The following TAFA1 variants were observed in gnomAD, a reference collection of about 807,000 sequenced individuals.
TAFA1 encodes TAFA chemokine like family member 1.
Under a neutral mutation model 18.5 loss-of-function variants are expected in TAFA1, and 4 were observed. The observed-to-expected ratio is 0.22, with a 90% CI of 0.11 to 0.49. The LOEUF is 0.49. Ranked by LOEUF, TAFA1 falls within the 20% of genes least tolerant of loss-of-function variation. The pLI, the probability that TAFA1 is intolerant of heterozygous loss-of-function variation, is 0.98. For synonymous variants in TAFA1, 56 were observed against 55.2 expected (o/e 1.01, Z -0.06); for missense variants, 147 against 169.0 (o/e 0.87, Z 0.72).
chr3:68,247,658 T>A (rs2067109806), intron 2 of TAFA1: 1 of 152,258 alleles, frequency 6.6e-6, no homozygotes, highest in African/African-American at 2.4e-5. Flanking sequence ...CTTTTGCAAG[T>A]TCCTTTTGGC....
At chr3:68,132,860 T>A (rs2065559965) in intron 2 of TAFA1, among the ~76,000 whole-genome samples, 1 of 86,610 alleles carries the variant, frequency 1.2e-5, no homozygotes, top group Non-Finnish European at 3.0e-5. Flanking sequence ...TATTTTGCTG[T>A]GCAAAGCTCT....
chr3:68,000,573 A>C (rs2106759465), upstream of TAFA1, among the ~76,000 whole-genome samples: 1 of 152,334 alleles, frequency 6.6e-6, no homozygotes, highest in East Asian at 1.9e-4. Context: ...CCATGGACAT[A>C]AGATTTGGAC....
chr3:68,440,521 T>C lies in TAFA1; in HGVS notation c.259+23101T>C, dbSNP rs557499573. ...ATATGACAATTACAGCCCTCGTTTC[T>C]GCAACTGGTCACGTGGTCATAGCTG... On this transcript the variant is annotated intron_variant, in intron 3 of 4. Transcript: ENST00000478136. Among the ~76,000 whole-genome samples the C allele has an allele frequency of 2.6e-5, 4 of 152,338 alleles. No homozygotes were observed. The South Asian group carries it at 8.3e-4, about 32-fold the overall frequency.
chr3:68,277,389 A>G (rs998872056), intron 2 of TAFA1, among the ~76,000 whole-genome samples: 1 of 152,088 alleles, frequency 6.6e-6, no homozygotes, highest in African/African-American at 2.4e-5. Context: ...CTGGCTTTCT[A>G]TTGTGCCACT....
chr3:68,543,612 T>A (rs1462586433), intron 4 of TAFA1, among the ~76,000 whole-genome samples: 1 of 152,106 alleles, frequency 6.6e-6, no homozygotes, highest in Non-Finnish European at 1.5e-5. Context: ...TTAAATGGAC[T>A]TCTACCTCTA....
At chr3:68,222,202 T>G (rs906068248) in intron 2 of TAFA1, among the ~76,000 whole-genome samples, 1 of 152,212 alleles carries the variant, frequency 6.6e-6, no homozygotes, top group Non-Finnish European at 1.5e-5. Flanking sequence ...TAAAAACAGT[T>G]GATGTAGTTT....
chr3:68,119,441 T>A (rs2065361821), intron 2 of TAFA1, among the ~76,000 whole-genome samples: 1 of 152,192 alleles, frequency 6.6e-6, no homozygotes, highest in African/African-American at 2.4e-5. Flanking sequence ...TGGTGTCATA[T>A]CCAAGAAATC....
rs572681645 is a variant in TAFA1 at position 68,171,177 on chromosome 3, A to G, written c.118+164433A>G. ...CAATGTAATCACAAAGGTTCTTTAAATGTGGAAGAGGGAGGTAAAAGAGTT... is the reference window on the plus strand; with the variant it reads ...CAATGTAATCACAAAGGTTCTTTAAGTGTGGAAGAGGGAGGTAAAAGAGTT... On this transcript the variant is annotated intron_variant, in intron 2 of 4. Coordinates refer to ENST00000478136, the MANE Select transcript of TAFA1 (RefSeq NM_213609.4). Among the ~76,000 whole-genome samples, 9 of 152,300 alleles carry G rather than the reference A, an allele frequency of 5.9e-5. No individual in the cohort carries two copies. The South Asian group carries it at 1.9e-3, about 32-fold the overall frequency.
chr3:68,200,126 G>A (rs2066454743), intron 2 of TAFA1, among the ~76,000 whole-genome samples: 1 of 151,556 alleles, frequency 6.6e-6, no homozygotes, highest in African/African-American at 2.4e-5. Flanking sequence ...TTGTGGATAT[G>A]ATGAATTATA....
intron 2 of TAFA1, among the ~76,000 whole-genome samples, chr3:68,223,978 C>T (rs926640049): frequency 6.7e-6 from 1 of 149,832 alleles, no homozygotes; most frequent in Non-Finnish European, 1.5e-5. Flanking sequence ...TTTTGTTTAT[C>T]TAGAATGCAG....
chr3:68,246,471 T>G (rs2067080015), intron 2 of TAFA1, among the ~76,000 whole-genome samples: 2 of 151,272 alleles, frequency 1.3e-5, no homozygotes, highest in South Asian at 4.2e-4. Flanking sequence ...GCGCCTGTAG[T>G]CCCAGCTACT....
intron 3 of TAFA1, among the ~76,000 whole-genome samples, chr3:68,523,297 T>C (rs1265670749): frequency 6.6e-6 from 1 of 152,226 alleles, no homozygotes; most frequent in African/African-American, 2.4e-5. Context: ...CATTTGTACT[T>C]TAATGTAAAA....
chr3:68,341,289 G>A (rs1036104006), intron 2 of TAFA1, among the ~76,000 whole-genome samples: 3 of 152,128 alleles, frequency 2.0e-5, no homozygotes, highest in Admixed American at 1.3e-4. Flanking sequence ...GGAATCAAAG[G>A]GGGTCGAAGT....
At position 68,219,064 on chromosome 3, in the gene TAFA1, C is replaced by A. The variant is rs183638375; in HGVS notation, c.119-198216C>A. Among the ~76,000 whole-genome samples, 1,121 of 151,568 alleles carry A rather than the reference C, an allele frequency of 7.4e-3. 18 individuals are homozygous for A. Among genetic ancestry groups the A allele is most frequent in the African/African-American group, 0.026 (1,068 of 41,304 alleles). Reference sequence around the variant, plus strand: ...GTTCTCTAAAAGGATTTATAACTTACCATTAGAAATCCTCTTCATTGCTTT... The same window carrying A: ...GTTCTCTAAAAGGATTTATAACTTAACATTAGAAATCCTCTTCATTGCTTT... On this transcript the variant is annotated intron_variant, in intron 2 of 4. Transcript: ENST00000478136.
chr3:68,370,203 G>T (rs1363563681), intron 2 of TAFA1, among the ~76,000 whole-genome samples: 1 of 134,862 alleles, frequency 7.4e-6, no homozygotes, highest in Non-Finnish European at 1.5e-5. Flanking sequence ...CAGGAGAATG[G>T]CATGAACCCG....
chr3:68,433,737 T>C (rs1156746041), intron 3 of TAFA1, among the ~76,000 whole-genome samples: 1 of 152,148 alleles, frequency 6.6e-6, no homozygotes, highest in Admixed American at 6.6e-5. Context: ...AAACAGGAAT[T>C]ACAAGAACTT....
chr3:68,278,319 A>G (rs923668597), intron 2 of TAFA1, among the ~76,000 whole-genome samples: 7 of 152,176 alleles, frequency 4.6e-5, no homozygotes, highest in Admixed American at 3.9e-4. Flanking sequence ...ACATACACTC[A>G]AAAGTAGAAC....
intron 2 of TAFA1, among the ~76,000 whole-genome samples, chr3:68,142,342 C>T (rs554844135): frequency 6.6e-6 from 1 of 152,252 alleles, no homozygotes; most frequent in Non-Finnish European, 1.5e-5. Flanking sequence ...CAAAACCATG[C>T]GTCTTATTTG....
chr3:68,258,433 C>G (rs1218411124), intron 2 of TAFA1, among the ~76,000 whole-genome samples: 1 of 152,148 alleles, frequency 6.6e-6, no homozygotes, highest in Non-Finnish European at 1.5e-5. Context: ...TTGAGAATTA[C>G]TAACTATGCT....
Sources: allele counts gnomAD v4.1 joint callset (sites outside exome capture counted in the v4.1 genomes callset), GRCh38; gene constraint gnomAD v4.1.1; transcripts MANE v1.5; gene names NCBI Gene and HGNC (gene_info 2026-07-23, HGNC 2026-07-21).